The following AGAP1 variants were observed in gnomAD, a reference collection of about 807,000 sequenced individuals.
The protein encoded by AGAP1 is ArfGAP with GTPase domain, ankyrin repeat and PH domain 1, also known as arf-GAP with GTPase, ANK repeat and PH domain-containing protein 1.
AGAP1 carries 29 observed loss-of-function variants against 105.3 expected under a neutral mutation model. That is an observed-to-expected ratio of 0.28 (90% CI 0.21 to 0.38). The LOEUF (loss-of-function observed/expected upper bound fraction) is 0.38, where lower values mean the gene tolerates loss of function less well. Ranked by LOEUF, AGAP1 falls within the 10% of genes least tolerant of loss-of-function variation. AGAP1 has a pLI of 1.00. For missense variants in AGAP1, 998 were observed against 1,165.1 expected (o/e 0.86, Z 2.09); for synonymous variants, 509 against 485.9 (o/e 1.05, Z -0.63).
rs1271779248 is a variant in AGAP1, at chr2:235,865,478, C to G, written c.1051-17867C>G. ...GCTGACAGCTCAATTAAAGTGTAAC[C>G]CTTTGTGCCCTGCAACCTGGCACAA... is the stretch of plus-strand genomic sequence containing the variant. On this transcript the variant is annotated intron_variant, in intron 9 of 17. Coordinates refer to ENST00000304032, the MANE Select transcript of AGAP1 (RefSeq NM_001037131.3). This position sits in a 1 kb window ranked among gnomAD's most constrained non-coding sequence, Gnocchi z 6.2. Among the ~76,000 whole-genome samples the G allele has an allele frequency of 6.6e-6, 1 of 152,134 alleles. No individual in the cohort carries two copies. The highest frequency in any genetic ancestry group is 2.4e-5 in the African/African-American group (1 of 41,420).
Position 235,981,227 on chromosome 2 carries a change from C to T in AGAP1, c.1645+12604C>T, listed in dbSNP as rs2055081872. On this transcript the variant is annotated intron_variant, in intron 13 of 17. Coordinates refer to ENST00000304032, the MANE Select transcript of AGAP1 (RefSeq NM_001037131.3). This position sits in a 1 kb window ranked among gnomAD's most constrained non-coding sequence, Gnocchi z 5.5. ...GAGGGACGAGAGCCGTAGCATTGCT[C>T]CAGCAGGTATTTCAATAACTTGATT... Among the ~76,000 whole-genome samples, 2 of 152,132 alleles carry T rather than the reference C, an allele frequency of 1.3e-5. No homozygotes were observed. Among genetic ancestry groups the T allele is most frequent in the South Asian group, 4.1e-4 (2 of 4,830 alleles).
In AGAP1 at chr2:235,961,913, G is replaced by T. The variant is rs558548816; in HGVS notation, c.1484-6549G>T. Among the ~76,000 whole-genome samples the T allele has an allele frequency of 6.6e-6, 1 of 152,154 alleles. No individual in the cohort carries two copies. The highest frequency in any genetic ancestry group is 6.5e-5 in the Admixed American group (1 of 15,280). Reference sequence around the variant, plus strand: ...GATGACAGCTCATGTTTAGTGCCGGGTGCTGGGTGAGCGAGGGTGGGTGAG... The same window carrying T: ...GATGACAGCTCATGTTTAGTGCCGGTTGCTGGGTGAGCGAGGGTGGGTGAG... On this transcript the variant is annotated intron_variant, in intron 12 of 17. Coordinates refer to ENST00000304032, the MANE Select transcript of AGAP1 (RefSeq NM_001037131.3). The surrounding 1 kb of genome is among the most constrained non-coding windows in gnomAD (Gnocchi z 5.9).
rs1372791146 is a variant in AGAP1 at position 235,740,931 on chromosome 2, T to G, written c.311-32T>G. The G allele has an allele frequency of 6.2e-7, 1 of 1,614,028 alleles. No homozygotes were observed. Among genetic ancestry groups the G allele is most frequent in the African/African-American group, 1.3e-5 (1 of 75,072 alleles). Reference sequence around the variant, plus strand: ...CTGCCCTCCTCACTCTCTGTTGTTCTCGTGTAACGAGATGTTTTGTGTGTG... The same window carrying G: ...CTGCCCTCCTCACTCTCTGTTGTTCGCGTGTAACGAGATGTTTTGTGTGTG... On this transcript the variant is annotated intron_variant, in intron 3 of 17. Coordinates refer to ENST00000304032, the MANE Select transcript of AGAP1 (RefSeq NM_001037131.3). The surrounding 1 kb of genome is among the most constrained non-coding windows in gnomAD (Gnocchi z 5.7).
Position 235,882,214 on chromosome 2 carries a change from C to T in AGAP1, c.1051-1131C>T. ...TTTGGCAATCTGATTGGGGGTGGTC[C>T]TTCAGAGACCCACAGGCCAGTGGCA... On this transcript the variant is annotated intron_variant, in intron 9 of 17. Transcript: ENST00000304032. This position sits in a 1 kb window ranked among gnomAD's most constrained non-coding sequence, Gnocchi z 4.6. 2.8e-6 allele frequency: 1 copy of T among 361,766 alleles called. No homozygotes were observed. Among genetic ancestry groups the T allele is most frequent in the Non-Finnish European group, 5.2e-6 (1 of 193,800 alleles). The allele number at this position is 361,766 out of a possible 1,614,324, so 22.4% of individuals were successfully genotyped here. A position where few individuals can be genotyped will look rare whatever the true frequency, so the allele number is the denominator to read the frequency against.
chr2:235,638,448 T>C (rs1485958250), intron 1 of AGAP1, among the ~76,000 whole-genome samples: 1 of 152,140 alleles, frequency 6.6e-6, no homozygotes, highest in Non-Finnish European at 1.5e-5. Flanking sequence ...CAAGAACAAA[T>C]TGTGAATAGA....
chr2:235,662,610 G>C lies in AGAP1; in HGVS notation c.164-46569G>C, dbSNP rs1269586422. Among the ~76,000 whole-genome samples the C allele has an allele frequency of 6.6e-6, 1 of 150,970 alleles. No homozygotes were observed. Among genetic ancestry groups the C allele is most frequent in the African/African-American group, 2.4e-5 (1 of 40,968 alleles). ...CAACCTCTGCCTCCTGGGTTCAAGC[G>C]ATTTTTCTGCCTCAGCCTCCCAAGT... On this transcript the variant is annotated intron_variant, in intron 1 of 17. Transcript: ENST00000304032. The surrounding 1 kb of genome is among the most constrained non-coding windows in gnomAD (Gnocchi z 4.2).
chr2:235,541,468 A>G (rs957129036), intron 1 of AGAP1, among the ~76,000 whole-genome samples: 1 of 142,680 alleles, frequency 7.0e-6, no homozygotes, highest in Non-Finnish European at 1.5e-5. Flanking sequence ...GCTCACTGCA[A>G]GCTCCACCTC....
intron 1 of AGAP1, among the ~76,000 whole-genome samples, chr2:235,546,657 G>T (rs925548925): frequency 6.6e-6 from 1 of 152,068 alleles, no homozygotes; most frequent in African/African-American, 2.4e-5. Flanking sequence ...GTGTGTGGGG[G>T]CATCATTGGG....
chr2:235,537,858 G>C (rs1345085596), intron 1 of AGAP1, among the ~76,000 whole-genome samples: 1 of 151,984 alleles, frequency 6.6e-6, no homozygotes, highest in Admixed American at 6.6e-5. Flanking sequence ...TTTTCTGCAC[G>C]GCATTAAGTC....
rs117576721 is a variant in AGAP1, at chr2:235,954,537, T to C, written c.1484-13925T>C. 1.3e-4 allele frequency among the ~76,000 whole-genome samples: 19 copies of C among 149,496 alleles called. No individual in the cohort carries two copies. The East Asian group carries it at 3.7e-3, about 29-fold the overall frequency. ...TTTGGCGGAAGTGACTTGCATCTCG[T>C]ATGTTACGGTTCTGTGTTGAGGTCC... On this transcript the variant is annotated intron_variant, in intron 12 of 17. Coordinates refer to ENST00000304032, the MANE Select transcript of AGAP1 (RefSeq NM_001037131.3).
At chr2:236,065,801 A>G (rs192603143) in intron 16 of AGAP1, among the ~76,000 whole-genome samples, 33 of 152,352 alleles carry the variant, frequency 2.2e-4, no homozygotes, top group African/African-American at 7.9e-4. Context: ...CTTAGGACCC[A>G]CCATCTAGCA....
At chr2:235,990,096 A>G (rs1358846403) in intron 13 of AGAP1, among the ~76,000 whole-genome samples, 2 of 152,146 alleles carry the variant, frequency 1.3e-5, no homozygotes, top group Non-Finnish European at 2.9e-5. Context: ...CAAGTGCTCT[A>G]CCGTTAGGAT....
intron 11 of AGAP1, among the ~76,000 whole-genome samples, chr2:235,924,926 C>T (rs888215382): frequency 6.9e-6 from 1 of 145,054 alleles, no homozygotes; most frequent in Non-Finnish European, 1.5e-5. Flanking sequence ...GAGCAGAGAG[C>T]ACCTGCCCGT....
intron 1 of AGAP1, among the ~76,000 whole-genome samples, chr2:235,630,771 G>A (rs1490948049): frequency 9.9e-5 from 15 of 152,136 alleles, no homozygotes; most frequent in East Asian, 1.9e-4. Flanking sequence ...GTCCTTCATC[G>A]GAACAGGACC....
intron 1 of AGAP1, among the ~76,000 whole-genome samples, chr2:235,643,431 C>CAAAAAAAAAAAAAAAAAA (rs56146940): frequency 2.0e-4 from 12 of 61,418 alleles, no homozygotes; most frequent in African/African-American, 8.2e-4. Context: ...GACTGGGTCT[C>CAAAAAAAAAAAAAAAAAA]AAAAAAAAAA....
intron 13 of AGAP1, among the ~76,000 whole-genome samples, chr2:235,975,552 T>C (rs2054825167): frequency 6.6e-6 from 1 of 152,216 alleles, no homozygotes; most frequent in Admixed American, 6.5e-5. Flanking sequence ...AAGGCTCTCA[T>C]CTTTTCTCAC....
At position 236,012,207 on chromosome 2, in the gene AGAP1, A is replaced by G. The variant is rs1179381134; in HGVS notation, c.1646-24354A>G. On this transcript the variant is annotated intron_variant, in intron 13 of 17. Coordinates refer to ENST00000304032, the MANE Select transcript of AGAP1 (RefSeq NM_001037131.3). This position sits in a 1 kb window ranked among gnomAD's most constrained non-coding sequence, Gnocchi z 4.9. ...CTTCCTGCTTATACATCCTGTGGTA[A>G]TGGGAGAGCAGAGTGTGAAAAATGG... Among the ~76,000 whole-genome samples, 2 of 152,066 alleles carry G rather than the reference A, an allele frequency of 1.3e-5. No homozygotes were observed. Among genetic ancestry groups the G allele is most frequent in the African/African-American group, 2.4e-5 (1 of 41,422 alleles).
intron 6 of AGAP1, among the ~76,000 whole-genome samples, chr2:235,783,888 T>TA (rs1956436615): frequency 6.6e-6 from 1 of 152,156 alleles, no homozygotes. Context: ...ACCTAATAGT[T>TA]AATCACGTGC....
intron 9 of AGAP1, among the ~76,000 whole-genome samples, chr2:235,819,671 G>A (rs571103151): frequency 2.0e-5 from 3 of 151,980 alleles, no homozygotes; most frequent in Admixed American, 6.5e-5. Flanking sequence ...TCTTTCCTCC[G>A]ATGCCCGTCC....
Sources: allele counts gnomAD v4.1 joint callset (sites outside exome capture counted in the v4.1 genomes callset), GRCh38; gene constraint gnomAD v4.1.1; non-coding constraint Gnocchi (gnomAD v3.1); transcripts MANE v1.5; gene names NCBI Gene and HGNC (gene_info 2026-07-23, HGNC 2026-07-21).